NLGN4X: variants seen among roughly 807,000 people sequenced by gnomAD.
NLGN4X encodes neuroligin 4 X-linked, also known as neuroligin-4, X-linked.
Under a neutral mutation model 40.3 loss-of-function variants are expected in NLGN4X, and 3 were observed. The observed-to-expected ratio is 0.07, with a 90% CI of 0.03 to 0.19. The LOEUF (loss-of-function observed/expected upper bound fraction) is 0.19, where lower values mean the gene tolerates loss of function less well. NLGN4X is among the 10% of genes least tolerant of loss of function. The probability of loss-of-function intolerance (pLI) is 1.00; values close to 1 mark genes in which losing one functional copy is unlikely to be tolerated. For synonymous variants in NLGN4X, 270 were observed against 306.8 expected (o/e 0.88, Z 1.25); for missense variants, 382 against 708.3 (o/e 0.54, Z 5.23).
At position 6,151,105 on chromosome X, in the gene NLGN4X, T is replaced by C. The variant is rs1405905840; in HGVS notation, c.362A>G (p.His121Arg). ...GGTAAACCAGATGGGCAGCATGTCA[T>C]GCAGTAAGGATCTCTCATCCAGGTG... ...PQHLDERSLL[H>R]DMLPIWFTAN... The change falls in exon 2 of 6, where the codon CAT becomes CGT. Residue 121 changes from histidine (H) to arginine (R), a missense_variant. Transcript: ENST00000381095. 3 of 1,209,840 alleles carry C rather than the reference T, an allele frequency of 2.5e-6. No individual in the cohort carries two copies. In the African/African-American group the frequency reaches 5.2e-5, roughly 21 times the overall value.
intron 2 of NLGN4X, among the ~76,000 whole-genome samples, chrX:6,117,000 A>G (rs1458611714): frequency 9.0e-6 from 1 of 111,485 alleles, no homozygotes; most frequent in Non-Finnish European, 1.9e-5. Flanking sequence ...ACATAAGAAA[A>G]TCAAATTTTT....
intron 3 of NLGN4X, among the ~76,000 whole-genome samples, chrX:5,995,941 T>C (rs975624030): frequency 3.9e-4 from 44 of 112,083 alleles, no homozygotes; most frequent in African/African-American, 1.2e-3. Context: ...ATAAGTGCCA[T>C]TCATCAGACT....
At chrX:5,987,578 T>C (rs2041208162) in intron 3 of NLGN4X, among the ~76,000 whole-genome samples, 1 of 112,312 alleles carries the variant, frequency 8.9e-6, no homozygotes, top group Non-Finnish European at 1.9e-5. Context: ...AAATCTAAGT[T>C]CAGCATAAAT....
intron 3 of NLGN4X, among the ~76,000 whole-genome samples, chrX:6,002,653 C>T (rs1042363411): frequency 2.7e-5 from 3 of 111,922 alleles, no homozygotes; most frequent in Admixed American, 1.9e-4. Context: ...AGCGGGTTCC[C>T]GGTAAGTGCC....
chrX:6,047,252 C>A (rs1049733772), intron 2 of NLGN4X, among the ~76,000 whole-genome samples: 1 of 110,730 alleles, frequency 9.0e-6, no homozygotes, highest in Non-Finnish European at 1.9e-5. Flanking sequence ...CTGAGGCAGG[C>A]GGATCACTTG....
rs776341588 is a variant in NLGN4X at position 6,101,923 on chromosome X, C to T, written c.472+49072G>A. ...TTCCCAGGTTCACGCCATTCTCCTGCCTCAGCCTCCTGAGTAGCTGGGACT... is the reference window on the plus strand; with the variant it reads ...TTCCCAGGTTCACGCCATTCTCCTGTCTCAGCCTCCTGAGTAGCTGGGACT... On this transcript the variant is annotated intron_variant, in intron 2 of 5. Coordinates refer to ENST00000381095, the MANE Select transcript of NLGN4X (RefSeq NM_181332.3). Among the ~76,000 whole-genome samples, 3 of 108,809 alleles carry T rather than the reference C, an allele frequency of 2.8e-5. No individual in the cohort carries two copies. In the Admixed American group the frequency reaches 3.0e-4, roughly 11 times the overall value. 94.5% of individuals were successfully genotyped at this position (108,809 alleles called of 115,157 possible). A position where few individuals can be genotyped will look rare whatever the true frequency, so the allele number is the denominator to read the frequency against.
chrX:6,196,551 C>CATAAAAAA (rs1923098235), intron 1 of NLGN4X, among the ~76,000 whole-genome samples: 1 of 23,323 alleles, frequency 4.3e-5, no homozygotes, highest in African/African-American at 1.2e-4. Flanking sequence ...GACTCTGTCT[C>CATAAAAAA]AAAAAAAAAA....
chrX:5,983,446 G>T (rs145323753), intron 3 of NLGN4X, among the ~76,000 whole-genome samples: 1 of 111,646 alleles, frequency 9.0e-6, no homozygotes, highest in East Asian at 2.8e-4. Flanking sequence ...CAAAAAGTTG[G>T]AAAACATCTG....
chrX:6,144,415 C>T (rs376138937), intron 2 of NLGN4X, among the ~76,000 whole-genome samples: 14 of 111,363 alleles, frequency 1.3e-4, no homozygotes, highest in African/African-American at 4.6e-4. Context: ...TTTCTATTAC[C>T]ACTAAGACAA....
At chrX:5,965,036 C>T (rs746540522) in intron 3 of NLGN4X, among the ~76,000 whole-genome samples, 1 of 111,726 alleles carries the variant, frequency 9.0e-6, no homozygotes, top group East Asian at 2.8e-4. Flanking sequence ...AAATGATACG[C>T]AACTGTCTTA....
intron 2 of NLGN4X, among the ~76,000 whole-genome samples, chrX:6,063,210 C>T (rs2037816019): frequency 8.9e-6 from 1 of 111,944 alleles, no homozygotes; most frequent in African/African-American, 3.3e-5. Flanking sequence ...TATGGTGGCT[C>T]ATGTCTGTGA....
intron 1 of NLGN4X, among the ~76,000 whole-genome samples, chrX:6,175,904 TCCAAAGGCTCCTGTGTATCTG>T (rs963991347): frequency 9.0e-6 from 1 of 110,525 alleles, no homozygotes; most frequent in African/African-American, 3.3e-5. Flanking sequence ...AGATCTTCAT[TCCAAAGGCTCCTGTGTATCTG>T]CATTAAATAC....
intron 2 of NLGN4X, among the ~76,000 whole-genome samples, chrX:6,117,787 CAT>C (rs201303346): frequency 0.033 from 3,650 of 111,933 alleles, 170 homozygotes; most frequent in African/African-American, 0.11. Flanking sequence ...TGGACAATCG[CAT>C]ATGAGTGGAT....
At chrX:5,904,973 T>C (rs2146740721) in intron 4 of NLGN4X, among the ~76,000 whole-genome samples, 1 of 110,615 alleles carries the variant, frequency 9.0e-6, no homozygotes, top group South Asian at 3.9e-4. Context: ...AATATGGCTT[T>C]GACCAGTATG....
chrX:5,945,518 G>T (rs2034094105), intron 3 of NLGN4X, among the ~76,000 whole-genome samples: 1 of 111,672 alleles, frequency 9.0e-6, no homozygotes, highest in Non-Finnish European at 1.9e-5. Flanking sequence ...GCAGTGAAAA[G>T]GTATTTCACA....
intron 3 of NLGN4X, among the ~76,000 whole-genome samples, chrX:6,027,125 G>A (rs1296489068): frequency 1.8e-5 from 2 of 112,089 alleles, no homozygotes; most frequent in African/African-American, 6.5e-5. Flanking sequence ...CCGTGTGGCC[G>A]TGCTACAGGC....
At chrX:6,182,355 G>GCAGCCAT (rs1283149910) in intron 1 of NLGN4X, among the ~76,000 whole-genome samples, 1 of 111,320 alleles carries the variant, frequency 9.0e-6, no homozygotes, top group Non-Finnish European at 1.9e-5. Context: ...AAAGAGAAAA[G>GCAGCCAT]CAGCCATCAG....
intron 1 of NLGN4X, among the ~76,000 whole-genome samples, chrX:6,222,768 T>A (rs188139880): frequency 8.9e-6 from 1 of 112,275 alleles, no homozygotes; most frequent in Admixed American, 9.4e-5. Context: ...AGTAATTGAA[T>A]CATGGGGGCA....
intron 3 of NLGN4X, among the ~76,000 whole-genome samples, chrX:5,950,028 A>G (rs1405374735): frequency 8.9e-6 from 1 of 111,961 alleles, no homozygotes; most frequent in Non-Finnish European, 1.9e-5. Context: ...TTGGGACCTG[A>G]AGGCCATGTG....
Sources: gnomAD v4.1 joint callset for allele counts (sites outside exome capture counted in the v4.1 genomes callset) on GRCh38, gnomAD v4.1.1 for gene constraint, MANE v1.5 for transcripts, NCBI Gene and HGNC (gene_info 2026-07-23, HGNC 2026-07-21) for gene names.